ELN: variants seen among roughly 807,000 people sequenced by gnomAD.
ELN encodes the protein tropoelastin.
In ELN, 65 loss-of-function variants were observed where a neutral mutation model predicts 105.8. The ratio of observed to expected loss-of-function variants is 0.61; its 90% CI spans 0.50 to 0.75. The LOEUF (loss-of-function observed/expected upper bound fraction) is 0.75. ELN is among the 30% of genes least tolerant of loss of function. The probability of loss-of-function intolerance (pLI) is 0.00; values close to 1 mark genes in which losing one functional copy is unlikely to be tolerated. For synonymous variants in ELN, 368 were observed against 389.2 expected (o/e 0.95, Z 0.64); for missense variants, 882 against 969.4 (o/e 0.91, Z 1.20).
intron 4 of ELN, among the ~76,000 whole-genome samples, chr7:74,039,116 A>G (rs1462699780): frequency 6.6e-6 from 1 of 152,206 alleles, no homozygotes; most frequent in Non-Finnish European, 1.5e-5. Flanking sequence ...GGGTACATTC[A>G]TTGATCCCAC....
chr7:74,068,930 G>A lies in ELN; in HGVS notation c.*230G>A, dbSNP rs543784994. 3.9e-4 allele frequency: 227 copies of A among 587,336 alleles called. No individual in the cohort carries two copies. Among genetic ancestry groups the A allele is most frequent in the Middle Eastern group, 1.0e-3 (3 of 2,914 alleles). The allele number at this position is 587,336 out of a possible 1,614,324, so 36.4% of individuals were successfully genotyped here. ...CAGAGGCAAGGGCCATGTGGTCCTG[G>A]CCCCCCACCCCATCCCTTCCCACCT... is the stretch of plus-strand genomic sequence containing the variant. On this transcript the variant is annotated 3_prime_UTR_variant, in exon 33 of 33. Transcript: ENST00000252034.
intron 1 of ELN, among the ~76,000 whole-genome samples, chr7:74,030,321 C>A (rs972877051): frequency 6.6e-6 from 1 of 152,182 alleles, no homozygotes; most frequent in African/African-American, 2.4e-5. Context: ...GCAAGTTCAG[C>A]GGCTCCAAGG....
chr7:74,049,588 T>G (rs868914195), intron 15 of ELN, among the ~76,000 whole-genome samples: 3 of 150,756 alleles, frequency 2.0e-5, no homozygotes, highest in Non-Finnish European at 3.0e-5. Context: ...CATTTCTCCA[T>G]GCATGCATCC....
rs1358945406 is a variant in ELN, at chr7:74,042,885, G to C, written c.326-99G>C. 2.5e-6 allele frequency: 4 copies of C among 1,599,486 alleles called. No homozygotes were observed. In the East Asian group the frequency reaches 8.9e-5, roughly 36 times the overall value. ...CCCAGTCTGAAGGTGAGTTAGTAACGGGGCCAGACCTCAATGCTGGGCCCT... is the reference window on the plus strand; with the variant it reads ...CCCAGTCTGAAGGTGAGTTAGTAACCGGGCCAGACCTCAATGCTGGGCCCT... On this transcript the variant is annotated intron_variant, in intron 6 of 32. Transcript: ENST00000252034.
intron 4 of ELN, among the ~76,000 whole-genome samples, chr7:74,040,596 A>C (rs1790981005): frequency 6.6e-6 from 1 of 152,168 alleles, no homozygotes; most frequent in African/African-American, 2.4e-5. Flanking sequence ...CAAACCTGGC[A>C]TGGTTGTGAA....
chr7:74,049,776 C>T (rs1793494786), intron 15 of ELN, among the ~76,000 whole-genome samples: 1 of 151,278 alleles, frequency 6.6e-6, no homozygotes, highest in Non-Finnish European at 1.5e-5. Context: ...TTCCCTCTAT[C>T]CGTCCACTCA....
chr7:74,066,053 G>C, intron 31 of ELN, 56 bp downstream of exon 31: 2 of 1,610,122 alleles, frequency 1.2e-6, no homozygotes, highest in South Asian at 2.2e-5. Context: ...TCTAGAGGGG[G>C]CCTGTCCATC....
In ELN at chr7:74,066,000, A is replaced by G. The variant is rs1160281286; in HGVS notation, c.2086+3A>G. 2 of 1,614,048 alleles carry G rather than the reference A, an allele frequency of 1.2e-6. No individual in the cohort carries two copies. The highest frequency in any genetic ancestry group is 1.7e-6 in the Non-Finnish European group (2 of 1,179,990). On this transcript the variant is annotated splice_donor_region_variant and intron_variant, in intron 31 of 32. Transcript: ENST00000252034. ...TGCCGGGCAGTTCCCACTTGGAGGT[A>G]GGGGTGGCCAGCTCTGCTACGTAGT...
chr7:74,046,796 C>T (rs782059483), intron 12 of ELN, 29 bp downstream of exon 12: 13 of 1,612,760 alleles, frequency 8.1e-6, no homozygotes, highest in Middle Eastern at 3.3e-4. Flanking sequence ...TCAAGATGCA[C>T]CACTCGGCCG....
chr7:74,037,811 A>C, intron 4 of ELN, 72 bp downstream of exon 4: 1 of 1,577,470 alleles, frequency 6.3e-7, no homozygotes, highest in Non-Finnish European at 8.6e-7. Flanking sequence ...CCCAGCTGGG[A>C]ATGGGACAAG....
chr7:74,065,851 T>C, intron 30 of ELN, 93 bp from the exon 31 acceptor site: 1 of 1,612,028 alleles, frequency 6.2e-7, no homozygotes, highest in East Asian at 2.2e-5. Context: ...GAAGATCTTG[T>C]CTGGGACATT....
chr7:74,068,705 C>T lies in ELN; in HGVS notation c.*5C>T. 6.2e-7 allele frequency: 1 copy of T among 1,613,994 alleles called. No individual in the cohort carries two copies. The highest frequency in any genetic ancestry group is 1.3e-5 in the African/African-American group (1 of 75,008). The stretch of plus-strand genomic sequence containing the variant: ...TGTGGCCGGAAGAGAAAATGAGCTT[C>T]CTAGGACCCCTGACTCACGACCTCA... On this transcript the variant is annotated 3_prime_UTR_variant, in exon 33 of 33. Coordinates refer to ENST00000252034, the MANE Select transcript of ELN (RefSeq NM_000501.4).
intron 9 of ELN, among the ~76,000 whole-genome samples, chr7:74,044,199 C>T (rs782580865): frequency 3.3e-5 from 5 of 152,194 alleles, no homozygotes; most frequent in Non-Finnish European, 7.4e-5. Flanking sequence ...TACGATGGTG[C>T]CACTGCACAG....
At chr7:74,066,138 G>A in intron 31 of ELN, 141 bp downstream of exon 31, 1 of 1,234,824 alleles carries the variant, frequency 8.1e-7, no homozygotes, top group Non-Finnish European at 1.2e-6. Flanking sequence ...CTTTAGGATT[G>A]CAGATGTACT....
At chr7:74,067,210 G>A (rs1014223227) in intron 32 of ELN, among the ~76,000 whole-genome samples, 2 of 152,022 alleles carry the variant, frequency 1.3e-5, no homozygotes, top group Admixed American at 1.3e-4. Flanking sequence ...CACGAGGTCA[G>A]GAGATGGAAA....
At position 74,065,685 on chromosome 7, in the gene ELN, T is replaced by A; in HGVS notation, c.1994-9T>A. On this transcript the variant is annotated splice_polypyrimidine_tract_variant and intron_variant, in intron 29 of 32. Coordinates refer to ENST00000252034, the MANE Select transcript of ELN (RefSeq NM_000501.4). ...CATTCCTGAGCCGTCATGTGCCTCA[T>A]CTCCCCAGGTATACCTCCAGCTGCA... 1 of 1,611,500 alleles carries A rather than the reference T, an allele frequency of 6.2e-7. No homozygotes were observed. Among genetic ancestry groups the A allele is most frequent in the Non-Finnish European group, 8.5e-7 (1 of 1,179,284 alleles).
In ELN at chr7:74,047,676, T is replaced by A. The variant is rs1554673347; in HGVS notation, c.645T>A (p.Gly215=). The change falls in exon 13 of 33, where the codon GGT becomes GGA. Residue 215 remains glycine, a splice_region_variant and synonymous_variant. Transcript: ENST00000252034. Reference sequence around the variant, plus strand: ...GAGTTTGCTCTGTCCTCTCTCCAGGTGGCTATGGACTGCCCTACACCACAG... The same window carrying A: ...GAGTTTGCTCTGTCCTCTCTCCAGGAGGCTATGGACTGCCCTACACCACAG... ...GYPIKAPKLP[G]GYGLPYTTGK... 8 of 1,614,156 alleles carry A rather than the reference T, an allele frequency of 5.0e-6. No homozygotes were observed. In the South Asian group the frequency reaches 8.8e-5, roughly 18 times the overall value.
At chr7:74,041,462 A>C (rs1466564989) in intron 5 of ELN, among the ~76,000 whole-genome samples, 1 of 152,206 alleles carries the variant, frequency 6.6e-6, no homozygotes, top group Non-Finnish European at 1.5e-5. Context: ...TTTATAACAT[A>C]GTAGTGAAGG....
At chr7:74,068,523 G>C in intron 32 of ELN, 134 bp from the exon 33 acceptor site, 1 of 1,043,718 alleles carries the variant, frequency 9.6e-7, no homozygotes, top group African/African-American at 1.6e-5. Context: ...TCAGGTCTGA[G>C]TTTGGCCTGG....
Sources: gnomAD v4.1 joint callset for allele counts (sites outside exome capture counted in the v4.1 genomes callset) on GRCh38, gnomAD v4.1.1 for gene constraint, MANE v1.5 for transcripts, NCBI Gene and HGNC (gene_info 2026-07-23, HGNC 2026-07-21) for gene names.